Variants in NLGN1 observed in about 807,000 individuals in gnomAD.
The protein encoded by NLGN1 is neuroligin 1, also known as neuroligin-1.
Under a neutral mutation model 65.5 loss-of-function variants are expected in NLGN1, and 12 were observed. The ratio of observed to expected loss-of-function variants is 0.18; its 90% confidence interval spans 0.12 to 0.30. NLGN1 has a LOEUF of 0.30. NLGN1 is among the 10% of genes least tolerant of loss of function. The pLI, the probability that NLGN1 is intolerant of heterozygous loss-of-function variation, is 1.00. For synonymous variants in NLGN1, 350 were observed against 359.5 expected, an observed-to-expected ratio of 0.97 and a Z score of 0.30; for missense variants, 750 against 1,007.1, an observed-to-expected ratio of 0.74 and a Z score of 3.46.
At chr3:173,888,350 A>T (rs1734734188) in intron 4 of NLGN1, among the ~76,000 whole-genome samples, 1 of 152,030 alleles carries the variant, frequency 6.6e-6, no homozygotes, top group Admixed American at 6.6e-5. Flanking sequence ...CTATACTTTA[A>T]ATCATCCCTA....
At chr3:173,883,902 T>A (rs1262736482) in intron 4 of NLGN1, among the ~76,000 whole-genome samples, 2 of 143,622 alleles carry the variant, frequency 1.4e-5, no homozygotes, top group Non-Finnish European at 3.0e-5. Context: ...AGAGACACAA[T>A]CACACTGATA....
intron 4 of NLGN1, among the ~76,000 whole-genome samples, chr3:174,263,087 G>A (rs2152861967): frequency 6.8e-6 from 1 of 146,116 alleles, no homozygotes; most frequent in African/African-American, 2.6e-5. Flanking sequence ...CATTTGCTGA[G>A]GAGAGCTTTA....
chr3:173,539,584 A>T (rs1321503976), intron 2 of NLGN1, among the ~76,000 whole-genome samples: 5 of 139,838 alleles, frequency 3.6e-5, no homozygotes, highest in African/African-American at 1.1e-4. Flanking sequence ...ATGTTATGTT[A>T]TATATGTTAT....
chr3:174,015,116 G>T (rs1726292475), intron 4 of NLGN1, among the ~76,000 whole-genome samples: 2 of 151,934 alleles, frequency 1.3e-5, no homozygotes, highest in Non-Finnish European at 2.9e-5. Flanking sequence ...TGCTATATTT[G>T]TTCTTATAGA....
At chr3:173,713,065 A>G (rs561858262) in intron 3 of NLGN1, among the ~76,000 whole-genome samples, 92 of 152,158 alleles carry the variant, frequency 6.0e-4, no homozygotes, top group Non-Finnish European at 1.2e-3. Flanking sequence ...CATGATTTCA[A>G]ATAAACTATT....
intron 4 of NLGN1, among the ~76,000 whole-genome samples, chr3:173,864,509 C>T (rs894336362): frequency 4.6e-5 from 7 of 152,174 alleles, no homozygotes; most frequent in African/African-American, 1.7e-4. Context: ...AATTTTCAGA[C>T]TACCTGGCAT....
intron 1 of NLGN1, among the ~76,000 whole-genome samples, chr3:173,420,169 G>A (rs1456856605): frequency 1.3e-5 from 2 of 151,314 alleles, no homozygotes; most frequent in African/African-American, 2.4e-5. Flanking sequence ...TTGGTGTGCT[G>A]CACCCATTAA....
chr3:173,847,430 C>T (rs1376880372), intron 4 of NLGN1, among the ~76,000 whole-genome samples: 1 of 152,020 alleles, frequency 6.6e-6, no homozygotes, highest in Non-Finnish European at 1.5e-5. Flanking sequence ...ACATTTTGAT[C>T]AAGTGCTCAA....
intron 4 of NLGN1, among the ~76,000 whole-genome samples, chr3:173,811,284 C>T (rs1717856884): frequency 6.6e-6 from 1 of 151,916 alleles, no homozygotes; most frequent in Admixed American, 6.6e-5. Context: ...GGAGAAATGG[C>T]CAGGTGTGAT....
At chr3:173,476,254 A>G (rs536828267) in intron 2 of NLGN1, among the ~76,000 whole-genome samples, 2 of 152,332 alleles carry the variant, frequency 1.3e-5, no homozygotes, top group South Asian at 4.1e-4. Flanking sequence ...TAAGTTTTGA[A>G]GGAAGCATTA....
chr3:173,871,281 C>T (rs1386128862), intron 4 of NLGN1, among the ~76,000 whole-genome samples: 1 of 152,012 alleles, frequency 6.6e-6, no homozygotes, highest in African/African-American at 2.4e-5. Context: ...TTATAATGAA[C>T]CAGTAGATGT....
chr3:173,868,262 T>C (rs1013385554), intron 4 of NLGN1, among the ~76,000 whole-genome samples: 5 of 152,124 alleles, frequency 3.3e-5, no homozygotes, highest in African/African-American at 9.7e-5. Flanking sequence ...GTTATGGGAA[T>C]TGGATGACCA....
chr3:173,897,312 A>G (rs563881352), intron 4 of NLGN1, among the ~76,000 whole-genome samples: 4 of 152,318 alleles, frequency 2.6e-5, no homozygotes, highest in South Asian at 2.1e-4. Context: ...AATATCTACT[A>G]TCTTCCCAAA....
intron 4 of NLGN1, among the ~76,000 whole-genome samples, chr3:174,129,354 A>AACACACAC (rs61122760): frequency 0.021 from 2,408 of 116,806 alleles, 83 homozygotes; most frequent in South Asian, 0.028. Context: ...CCCGGTTTAC[A>AACACACAC]ACACACACAC....
At chr3:173,431,501 A>G (rs546418236) in intron 1 of NLGN1, among the ~76,000 whole-genome samples, 1 of 152,104 alleles carries the variant, frequency 6.6e-6, no homozygotes, top group African/African-American at 2.4e-5. Context: ...ATCTGTGAGC[A>G]TTTTTTCAAA....
At chr3:173,484,799 C>T (rs1286368439) in intron 2 of NLGN1, among the ~76,000 whole-genome samples, 2 of 152,028 alleles carry the variant, frequency 1.3e-5, no homozygotes, top group Non-Finnish European at 2.9e-5. Flanking sequence ...ATTTATATGA[C>T]TCAAAGGAAC....
At chr3:174,100,852 A>G (rs896528220) in intron 4 of NLGN1, among the ~76,000 whole-genome samples, 3 of 151,738 alleles carry the variant, frequency 2.0e-5, no homozygotes, top group Admixed American at 6.6e-5. Context: ...ATTTATGTCA[A>G]TTTTCTCAAC....
chr3:173,902,100 C>T (rs1737489517), intron 4 of NLGN1, among the ~76,000 whole-genome samples: 2 of 152,260 alleles, frequency 1.3e-5, no homozygotes, highest in African/African-American at 4.8e-5. Flanking sequence ...TCAGTACTCA[C>T]ACTTTTTCAA....
chr3:173,422,552 T>A (rs1183228797), intron 1 of NLGN1, among the ~76,000 whole-genome samples: 1 of 152,172 alleles, frequency 6.6e-6, no homozygotes, highest in Non-Finnish European at 1.5e-5. Flanking sequence ...TATTATACTG[T>A]TTTTCTATAA....
Sources: gnomAD v4.1 joint callset for allele counts (sites outside exome capture counted in the v4.1 genomes callset) on GRCh38, gnomAD v4.1.1 for gene constraint, MANE v1.5 for transcripts, NCBI Gene and HGNC (gene_info 2026-07-23, HGNC 2026-07-21) for gene names.